Variants in TPPP observed in about 807,000 individuals in gnomAD.
TPPP encodes the protein tubulin polymerization promoting protein.
TPPP carries 6 observed loss-of-function variants against 15.5 expected under a neutral mutation model. The ratio of observed to expected loss-of-function variants is 0.39; its 90% CI spans 0.21 to 0.77. The LOEUF (loss-of-function observed/expected upper bound fraction) is 0.77. TPPP is among the 30% of genes least tolerant of loss of function. TPPP has a pLI of 0.42. For synonymous variants in TPPP, 146 were observed against 133.9 expected (o/e 1.09, Z -0.63); for missense variants, 269 against 307.2 (o/e 0.88, Z 0.93).
intron 2 of TPPP, among the ~76,000 whole-genome samples, chr5:677,192 A>T (rs868219231): frequency 6.6e-6 from 1 of 152,244 alleles, no homozygotes; most frequent in Non-Finnish European, 1.5e-5. Flanking sequence ...GCAGAAATAC[A>T]GCAGCACAAA....
At chr5:668,422 CCG>C (rs1403493783) in intron 2 of TPPP, among the ~76,000 whole-genome samples, 15 of 126,732 alleles carry the variant, frequency 1.2e-4, no homozygotes, top group African/African-American at 4.3e-4. Flanking sequence ...AGAGAGGGGG[CCG>C]CGTGGGCGCC....
the TPPP span, among the ~76,000 whole-genome samples, chr5:698,871 C>G: frequency 6.6e-6 from 1 of 151,952 alleles, no homozygotes; most frequent in Non-Finnish European, 1.5e-5. Flanking sequence ...TTCTTATACA[C>G]CAATAACAAT....
At chr5:691,822 C>T (rs1183666026) in intron 1 of TPPP, among the ~76,000 whole-genome samples, 5 of 88,044 alleles carry the variant, frequency 5.7e-5, no homozygotes, top group African/African-American at 1.9e-4. Flanking sequence ...CAGCCCTCAA[C>T]CCCCATCAAA....
At chr5:672,476 G>C (rs1034886370) in intron 2 of TPPP, among the ~76,000 whole-genome samples, 5 of 152,278 alleles carry the variant, frequency 3.3e-5, no homozygotes, top group South Asian at 2.1e-4. Flanking sequence ...AGCCAGCTGA[G>C]ACCGCAGCCC....
At chr5:693,839 G>A (rs1461927145), upstream of TPPP, among the ~76,000 whole-genome samples, 1 of 149,638 alleles carries the variant, frequency 6.7e-6, no homozygotes, top group Non-Finnish European at 1.5e-5. Context: ...TTAAGGAGCC[G>A]CAGACGGTGC....
intron 2 of TPPP, among the ~76,000 whole-genome samples, chr5:670,453 TGA>T (rs1359900511): frequency 1.3e-5 from 2 of 152,128 alleles, no homozygotes; most frequent in South Asian, 2.1e-4. Context: ...TAGGCGAGTC[TGA>T]GAGAGAGGGG....
chr5:686,650 A>T (rs1182858138), intron 1 of TPPP, among the ~76,000 whole-genome samples: 1 of 144,778 alleles, frequency 6.9e-6, no homozygotes. Flanking sequence ...TGGAAATGAG[A>T]TCATCTTGGA....
At chr5:669,301 T>C (rs979289699) in intron 2 of TPPP, among the ~76,000 whole-genome samples, 10 of 151,960 alleles carry the variant, frequency 6.6e-5, no homozygotes, top group Non-Finnish European at 8.8e-5. Flanking sequence ...GGAGGTGCCC[T>C]GGGCAGCTCT....
At chr5:699,905 A>G in the TPPP span, among the ~76,000 whole-genome samples, 3 of 151,582 alleles carry the variant, frequency 2.0e-5, no homozygotes, top group Non-Finnish European at 4.4e-5. Flanking sequence ...ATACCATCTT[A>G]GACAAGTCAG....
rs1373097739 is a variant in TPPP at position 664,974 on chromosome 5, GC to G, written c.*127del. On this transcript the variant is annotated 3_prime_UTR_variant, in exon 4 of 4. Transcript: ENST00000360578. Reference sequence around the variant, plus strand: ...GCAGGAGGGAGGCCTGGGCCTGGCCGCCCCCCAGCCCCCTCTGGGGCACCCG... The same window carrying G: ...GCAGGAGGGAGGCCTGGGCCTGGCCGCCCCCAGCCCCCTCTGGGGCACCCG... The G allele has an allele frequency of 6.1e-6, 7 of 1,144,252 alleles. No individual in the cohort carries two copies. Among genetic ancestry groups the G allele is most frequent in the Non-Finnish European group, 8.6e-6 (7 of 816,764 alleles). 70.9% of individuals were successfully genotyped at this position (1,144,252 alleles called of 1,614,324 possible).
intron 3 of TPPP, among the ~76,000 whole-genome samples, chr5:665,608 G>GC (rs1226721829): frequency 1.1e-4 from 15 of 142,740 alleles, no homozygotes; most frequent in African/African-American, 2.6e-4. Context: ...TCCAGGCTAT[G>GC]CCCCCCCAAT....
chr5:669,157 T>A (rs3792721), intron 2 of TPPP, among the ~76,000 whole-genome samples: 73,988 of 152,014 alleles, frequency 0.49, 21,057 homozygotes, highest in African/African-American at 0.8. Flanking sequence ...GGAGGGGGCT[T>A]TGGGGAGACA....
At chr5:676,846 C>T (rs1169151314) in intron 2 of TPPP, among the ~76,000 whole-genome samples, 3 of 136,476 alleles carry the variant, frequency 2.2e-5, no homozygotes, top group Non-Finnish European at 4.5e-5. Flanking sequence ...GCACACACGA[C>T]ACAGAAACGC....
chr5:670,198 G>T, intron 2 of TPPP, among the ~76,000 whole-genome samples: 1 of 152,166 alleles, frequency 6.6e-6, no homozygotes, highest in Non-Finnish European at 1.5e-5. Context: ...TTCCTCCGGG[G>T]CGGACGTCAC....
chr5:679,170 G>C (rs1341842826), intron 1 of TPPP, among the ~76,000 whole-genome samples: 1 of 152,176 alleles, frequency 6.6e-6, no homozygotes, highest in Non-Finnish European at 1.5e-5. Flanking sequence ...CATGGCCAAA[G>C]TGTGGCTCTG....
At chr5:693,887 C>A (rs1218825438), upstream of TPPP, among the ~76,000 whole-genome samples, 1 of 149,372 alleles carries the variant, frequency 6.7e-6, no homozygotes, top group African/African-American at 2.5e-5. Flanking sequence ...GGTGCTCGGA[C>A]CCCAAGGCGG....
In TPPP at chr5:663,851, G is replaced by A. The variant is rs774294305; in HGVS notation, c.*1251C>T. 3.3e-5 allele frequency: 5 copies of A among 152,476 alleles called. No individual in the cohort carries two copies. In the South Asian group the frequency reaches 6.2e-4, roughly 19 times the overall value. The allele number at this position is 152,476 out of a possible 1,614,324, so 9.4% of individuals were successfully genotyped here. The stretch of plus-strand genomic sequence containing the variant: ...CACACGTGTGGCTGTGGCTGTGTGC[G>A]TGCCAAGGGACAGTGGCAGTGTGCC... On this transcript the variant is annotated 3_prime_UTR_variant, in exon 4 of 4. Coordinates refer to ENST00000360578, the MANE Select transcript of TPPP (RefSeq NM_007030.3).
At chr5:676,856 CGCACACACGACGCAGAAACAT>C (rs1313986502) in intron 2 of TPPP, among the ~76,000 whole-genome samples, 89 of 147,170 alleles carry the variant, frequency 6.0e-4, no homozygotes, top group African/African-American at 1.4e-3. Context: ...CACAGAAACG[CGCACACACGACGCAGAAACAT>C]GCACACACGA....
intron 2 of TPPP, among the ~76,000 whole-genome samples, chr5:674,798 T>C (rs986870474): frequency 1.8e-4 from 28 of 151,734 alleles, no homozygotes; most frequent in African/African-American, 5.8e-4. Flanking sequence ...GACAGTGGGC[T>C]GGTCTGTCCT....
Sources: gnomAD v4.1 joint callset for allele counts (sites outside exome capture counted in the v4.1 genomes callset) on GRCh38, gnomAD v4.1.1 for gene constraint, MANE v1.5 for transcripts, NCBI Gene and HGNC (gene_info 2026-07-23, HGNC 2026-07-21) for gene names.